Variants in FUT8 observed in about 807,000 individuals in gnomAD.
The protein encoded by FUT8 is alpha-(1,6)-fucosyltransferase.
FUT8 carries 29 observed loss-of-function variants against 71.3 expected under a neutral mutation model. The observed-to-expected ratio is 0.41, with a 90% CI of 0.30 to 0.55. The LOEUF (loss-of-function observed/expected upper bound fraction) is 0.55. Among genes scored for constraint, FUT8 ranks in the 20% least tolerant of loss-of-function variants. The pLI is 0.34. For missense variants in FUT8, 544 were observed against 702.1 expected (o/e 0.77, Z 2.55); for synonymous variants, 254 against 239.3 (o/e 1.06, Z -0.57).
rs1460190453 is a variant in FUT8 at position 65,638,438 on chromosome 14, T to TC, written c.597+8832_597+8833insC. On this transcript the variant is annotated intron_variant, in intron 6 of 10. Coordinates refer to ENST00000673929, the MANE Select transcript of FUT8 (RefSeq NM_001371533.1). The surrounding 1 kb of genome is among the most constrained non-coding windows in gnomAD (Gnocchi z 4.5). ...TGGAAATTGGTAGATTATTTTTCTTTTTTTTTTGAGAGAAAGAGAGGAAAA... is the reference window on the plus strand; with the variant it reads ...TGGAAATTGGTAGATTATTTTTCTTTCTTTTTTTGAGAGAAAGAGAGGAAAA... Among the ~76,000 whole-genome samples the TC allele has an allele frequency of 6.6e-6, 1 of 152,210 alleles. No individual in the cohort carries two copies. The highest frequency in any genetic ancestry group is 1.9e-4 in the East Asian group (1 of 5,202).
chr14:65,638,326 G>C lies in FUT8; in HGVS notation c.597+8720G>C, dbSNP rs1457750242. Among the ~76,000 whole-genome samples the C allele has an allele frequency of 6.6e-6, 1 of 152,150 alleles. No individual in the cohort carries two copies. The highest frequency in any genetic ancestry group is 2.4e-5 in the African/African-American group (1 of 41,412). On this transcript the variant is annotated intron_variant, in intron 6 of 10. Transcript: ENST00000673929. This position sits in a 1 kb window ranked among gnomAD's most constrained non-coding sequence, Gnocchi z 4.5. ...TTCCCAAAGTGTTGCAATCACAGGC[G>C]TGAGCCACTGTGTCCGGCCAGAAAG...
At chr14:65,633,004 T>TCCCCCCCCCCCCCCCC (rs376298224) in intron 6 of FUT8, among the ~76,000 whole-genome samples, 3 of 78,072 alleles carry the variant, frequency 3.8e-5, no homozygotes, top group African/African-American at 1.6e-4. Context: ...CCCTCTCCCC[T>TCCCCCCCCCCCCCCCC]CCCCCCCCCC....
chr14:65,595,075 GTC>G (rs1887896792), intron 3 of FUT8, among the ~76,000 whole-genome samples: 2 of 152,142 alleles, frequency 1.3e-5, no homozygotes, highest in African/African-American at 4.8e-5. Flanking sequence ...TGCCTAGAGT[GTC>G]TCTGCCTCCT....
chr14:65,445,349 A>T (rs1225646757), intron 1 of FUT8, among the ~76,000 whole-genome samples: 1 of 152,152 alleles, frequency 6.6e-6, no homozygotes, highest in Non-Finnish European at 1.5e-5. Flanking sequence ...TGGCGCCTTG[A>T]TCTTGGACTT....
In FUT8 at chr14:65,743,475, GGTTT is replaced by G. The variant is rs978318338; in HGVS notation, c.*1071_*1074del. ...CACCTCCATTTCTAAAACCATTTCA[GGTTT>G]GTTTGGTAGTCTTTCTTAATGTATT... is the stretch of plus-strand genomic sequence containing the variant. On this transcript the variant is annotated 3_prime_UTR_variant, in exon 11 of 11. Transcript: ENST00000673929. 16 of 151,780 alleles carry G rather than the reference GGTTT, an allele frequency of 1.1e-4. No individual in the cohort carries two copies. The highest frequency in any genetic ancestry group is 3.6e-4 in the African/African-American group (15 of 41,356). The allele number at this position is 151,780 out of a possible 1,614,324, so 9.4% of individuals were successfully genotyped here. A position where few individuals can be genotyped will look rare whatever the true frequency, so the allele number is the denominator to read the frequency against.
At chr14:65,696,433 G>C (rs1177934316) in intron 7 of FUT8, among the ~76,000 whole-genome samples, 1 of 152,074 alleles carries the variant, frequency 6.6e-6, no homozygotes, top group Admixed American at 6.5e-5. Flanking sequence ...TGTAAATATT[G>C]TTCCTCTCTA....
the FUT8 span, among the ~76,000 whole-genome samples, chr14:65,397,304 T>A: frequency 6.6e-6 from 1 of 152,316 alleles, no homozygotes; most frequent in East Asian, 1.9e-4. The surrounding 1 kb of genome is among the most constrained non-coding windows in gnomAD (Gnocchi z 4.2). Context: ...CTTGTAATGT[T>A]CTATGGCTAG....
chr14:65,485,889 A>G (rs564544458), intron 2 of FUT8, among the ~76,000 whole-genome samples: 2 of 152,254 alleles, frequency 1.3e-5, no homozygotes, highest in African/African-American at 4.8e-5. Flanking sequence ...ATTGAAGGGT[A>G]TTGCTTGTTT....
intron 2 of FUT8, among the ~76,000 whole-genome samples, chr14:65,512,711 G>A (rs10136752): frequency 0.84 from 127,826 of 151,760 alleles, 53,969 homozygotes; most frequent in East Asian, 1. Flanking sequence ...GAGTTCAACA[G>A]CAGCCTGGCC....
At chr14:65,721,725 A>G in intron 7 of FUT8, 50 bp from the exon 8 acceptor site, 1 of 1,578,476 alleles carries the variant, frequency 6.3e-7, no homozygotes, top group East Asian at 2.2e-5. Flanking sequence ...TGAATGGTGG[A>G]TGTATAAGGA....
chr14:65,395,892 A>T, the FUT8 span, among the ~76,000 whole-genome samples: 7 of 152,352 alleles, frequency 4.6e-5, no homozygotes, highest in South Asian at 1.2e-3. Context: ...TGCTTTTAAC[A>T]TCACCAAAGT....
At chr14:65,456,357 T>C (rs1248500550) in intron 2 of FUT8, among the ~76,000 whole-genome samples, 3 of 152,206 alleles carry the variant, frequency 2.0e-5, no homozygotes, top group African/African-American at 7.2e-5. Context: ...AAATCCTGGC[T>C]TTCACTTAGA....
chr14:65,537,114 T>C (rs992931439), intron 2 of FUT8, among the ~76,000 whole-genome samples: 1 of 152,008 alleles, frequency 6.6e-6, no homozygotes, highest in African/African-American at 2.4e-5. Context: ...TCAATTATGT[T>C]TTTTCTGTAC....
intron 2 of FUT8, among the ~76,000 whole-genome samples, chr14:65,520,844 C>G (rs1025833902): frequency 6.6e-6 from 1 of 152,010 alleles, no homozygotes; most frequent in African/African-American, 2.4e-5. Context: ...AAGTTTCAAA[C>G]AGTTTTTTGT....
intron 7 of FUT8, among the ~76,000 whole-genome samples, chr14:65,714,261 G>T (rs74686034): frequency 0.062 from 9,390 of 151,976 alleles, 634 homozygotes; most frequent in East Asian, 0.38. Context: ...ATGCTGTTTT[G>T]GTTACTATAG....
chr14:65,692,887 G>A (rs1299951122), intron 7 of FUT8, among the ~76,000 whole-genome samples: 13 of 149,954 alleles, frequency 8.7e-5, no homozygotes, highest in Non-Finnish European at 1.5e-4. Context: ...GGGCAGAGGC[G>A]CTCCCCACAT....
intron 3 of FUT8, among the ~76,000 whole-genome samples, chr14:65,610,390 CCTT>C (rs1441237171): frequency 7.2e-6 from 1 of 139,632 alleles, no homozygotes; most frequent in Non-Finnish European, 1.5e-5. Flanking sequence ...GTTTCTGACA[CCTT>C]TTTTTTTTTT....
At chr14:65,666,214 A>G (rs970213854) in intron 6 of FUT8, among the ~76,000 whole-genome samples, 6 of 152,160 alleles carry the variant, frequency 3.9e-5, no homozygotes, top group African/African-American at 1.4e-4. Context: ...TTAAATATGT[A>G]CATACGGTTT....
At chr14:65,454,744 T>G (rs1340994704) in intron 1 of FUT8, among the ~76,000 whole-genome samples, 1 of 152,140 alleles carries the variant, frequency 6.6e-6, no homozygotes, top group Non-Finnish European at 1.5e-5. Flanking sequence ...TGTTCTTGGG[T>G]TTTTGTACTT....
Sources: gnomAD v4.1 joint callset for allele counts (sites outside exome capture counted in the v4.1 genomes callset) on GRCh38, gnomAD v4.1.1 for gene constraint, Gnocchi (gnomAD v3.1) non-coding constraint, MANE v1.5 for transcripts, NCBI Gene and HGNC (gene_info 2026-07-23, HGNC 2026-07-21) for gene names.